The following CPEB3 variants were observed in gnomAD, a reference collection of about 807,000 sequenced individuals.
CPEB3 encodes the protein cytoplasmic polyadenylation element-binding protein 3.
A neutral mutation model predicts 67.2 loss-of-function variants in CPEB3; 20 were observed. The observed-to-expected ratio is 0.30, with a 90% CI of 0.21 to 0.43. CPEB3 has a LOEUF of 0.43. CPEB3 is among the 20% of genes least tolerant of loss of function. CPEB3 has a pLI of 1.00. For synonymous variants in CPEB3, 376 were observed against 393.1 expected (o/e 0.96, Z 0.51); for missense variants, 746 against 968.6 (o/e 0.77, Z 3.05).
chr10:92,059,318 ACT>A (rs1842240058), intron 9 of CPEB3, among the ~76,000 whole-genome samples: 1 of 150,692 alleles, frequency 6.6e-6, no homozygotes, highest in African/African-American at 2.4e-5. Flanking sequence ...CAAAAGTGAA[ACT>A]CTGTCAAAAA....
chr10:92,136,558 G>A (rs1846106162), intron 6 of CPEB3, among the ~76,000 whole-genome samples: 1 of 151,928 alleles, frequency 6.6e-6, no homozygotes, highest in African/African-American at 2.4e-5. Context: ...CTGAGAGTGA[G>A]TATTTCTTCT....
At chr10:92,113,294 C>T (rs1844843070) in intron 6 of CPEB3, among the ~76,000 whole-genome samples, 1 of 152,206 alleles carries the variant, frequency 6.6e-6, no homozygotes, top group South Asian at 2.1e-4. Flanking sequence ...TCTTCATATC[C>T]TCTTTTGCAA....
chr10:92,193,631 T>C (rs1160182595), intron 2 of CPEB3, among the ~76,000 whole-genome samples: 1 of 151,592 alleles, frequency 6.6e-6, no homozygotes, highest in Non-Finnish European at 1.5e-5. Context: ...AAAAAAATTT[T>C]TTTTTAAGAG....
In CPEB3 at chr10:92,167,984, AC is replaced by A. The variant is rs1307043903; in HGVS notation, c.1222+12978del. ...AATCACCATAACAGATATAGTAATA[AC>A]AAAAAAGGTTAAAATATTGTGAGAA... On this transcript the variant is annotated intron_variant, in intron 4 of 9. Coordinates refer to ENST00000265997, the MANE Select transcript of CPEB3 (RefSeq NM_014912.5). Among the ~76,000 whole-genome samples, 4 of 152,240 alleles carry A rather than the reference AC, an allele frequency of 2.6e-5. 1 individual carries two copies. The highest frequency in any genetic ancestry group is 5.9e-5 in the Non-Finnish European group (4 of 68,040).
intron 7 of CPEB3, among the ~76,000 whole-genome samples, chr10:92,107,186 C>T (rs1844515043): frequency 6.6e-6 from 1 of 152,142 alleles, no homozygotes; most frequent in Non-Finnish European, 1.5e-5. Flanking sequence ...CCATTCTTTT[C>T]GATTTTCATT....
intron 2 of CPEB3, among the ~76,000 whole-genome samples, chr10:92,238,479 G>T (rs1407124625): frequency 6.6e-6 from 1 of 152,012 alleles, no homozygotes; most frequent in Non-Finnish European, 1.5e-5. Flanking sequence ...CTTTCACTTT[G>T]CCCAGTTTCA....
At chr10:92,158,106 T>G (rs1281467740) in intron 4 of CPEB3, among the ~76,000 whole-genome samples, 1 of 152,106 alleles carries the variant, frequency 6.6e-6, no homozygotes. Flanking sequence ...CCATGGGTAT[T>G]TGTATCAAAA....
chr10:92,185,015 T>C (rs1041663712), intron 3 of CPEB3, among the ~76,000 whole-genome samples: 1 of 152,216 alleles, frequency 6.6e-6, no homozygotes. Context: ...AAATAAAATA[T>C]ATAACAGCAA....
At chr10:92,224,063 C>A (rs1390139997) in intron 2 of CPEB3, among the ~76,000 whole-genome samples, 1 of 151,818 alleles carries the variant, frequency 6.6e-6, no homozygotes, top group African/African-American at 2.4e-5. Context: ...CCATGCCTAG[C>A]CTAATTTTGT....
intron 2 of CPEB3, among the ~76,000 whole-genome samples, chr10:92,218,629 T>C (rs1055048692): frequency 2.0e-5 from 3 of 152,176 alleles, no homozygotes; most frequent in African/African-American, 7.2e-5. Flanking sequence ...ATAGATCCTG[T>C]TCTCCAGCCT....
intron 2 of CPEB3, among the ~76,000 whole-genome samples, chr10:92,238,801 G>C (rs562197963): frequency 6.6e-6 from 1 of 152,130 alleles, no homozygotes; most frequent in South Asian, 2.1e-4. Context: ...GCACCTTAGC[G>C]AGACATAAAC....
chr10:92,182,333 G>T (rs1012814467), intron 3 of CPEB3, among the ~76,000 whole-genome samples: 2 of 152,116 alleles, frequency 1.3e-5, no homozygotes, highest in African/African-American at 4.8e-5. Context: ...CCGTTACAGG[G>T]GACTGGAGGC....
intron 6 of CPEB3, among the ~76,000 whole-genome samples, chr10:92,120,098 C>CAAAAAAAAAAAAAAAAAAAACAAGCAAA (rs34785763): frequency 4.2e-4 from 19 of 45,240 alleles, no homozygotes; most frequent in African/African-American, 2.2e-3. Flanking sequence ...ACTAAAAATA[C>CAAAAAAAAAAAAAAAAAAAACAAGCAAA]AAAAAAAAAA....
At chr10:92,137,844 AAAAG>A in intron 6 of CPEB3, 1 of 177,798 alleles carries the variant, frequency 5.6e-6, no homozygotes, top group Non-Finnish European at 1.2e-5. Flanking sequence ...TAAAAATACA[AAAAG>A]AAATTAGCCG....
intron 9 of CPEB3, among the ~76,000 whole-genome samples, chr10:92,061,607 A>G (rs1842357868): frequency 6.6e-6 from 1 of 152,174 alleles, no homozygotes; most frequent in Admixed American, 6.5e-5. Context: ...ACATGTTCTC[A>G]CTTATTTGTG....
chr10:92,092,403 C>T (rs1843657925), intron 7 of CPEB3, among the ~76,000 whole-genome samples: 1 of 152,176 alleles, frequency 6.6e-6, no homozygotes, highest in Admixed American at 6.6e-5. Flanking sequence ...AAAATTCAAA[C>T]ATATCTTTCA....
At chr10:92,132,001 T>C (rs1845865563) in intron 6 of CPEB3, among the ~76,000 whole-genome samples, 1 of 152,218 alleles carries the variant, frequency 6.6e-6, no homozygotes, top group Admixed American at 6.5e-5. Flanking sequence ...TTTTAATATC[T>C]TATTTAATCC....
At chr10:92,186,341 G>C (rs1848688284) in intron 3 of CPEB3, among the ~76,000 whole-genome samples, 2 of 151,944 alleles carry the variant, frequency 1.3e-5, no homozygotes, top group Non-Finnish European at 1.5e-5. Context: ...AGTGAGCTGA[G>C]ATCGCACCAC....
At chr10:92,059,935 G>A (rs1237908212) in intron 9 of CPEB3, among the ~76,000 whole-genome samples, 6 of 132,170 alleles carry the variant, frequency 4.5e-5, no homozygotes, top group African/African-American at 9.0e-5. Flanking sequence ...CCAGCCTGGC[G>A]ACAGAGCGAG....
Sources: allele counts gnomAD v4.1 joint callset (sites outside exome capture counted in the v4.1 genomes callset), GRCh38; gene constraint gnomAD v4.1.1; transcripts MANE v1.5; gene names NCBI Gene and HGNC (gene_info 2026-07-23, HGNC 2026-07-21).